Variants in ASAP2 observed in about 807,000 individuals in gnomAD.
ASAP2 encodes the protein ArfGAP with SH3 domain, ankyrin repeat and PH domain 2.
ASAP2 carries 45 observed loss-of-function variants against 131.4 expected under a neutral mutation model. The observed-to-expected ratio is 0.34, with a 90% confidence interval of 0.27 to 0.44. The LOEUF is 0.44. ASAP2 is among the 20% of genes least tolerant of loss of function. The pLI, the probability that ASAP2 is intolerant of heterozygous loss-of-function variation, is 1.00. For synonymous variants in ASAP2, 510 were observed against 503.0 expected (o/e 1.01, Z -0.19); for missense variants, 1,011 against 1,297.0 (o/e 0.78, Z 3.39).
At chr2:9,382,148 T>C (rs1019069253) in intron 20 of ASAP2, among the ~76,000 whole-genome samples, 1 of 152,096 alleles carries the variant, frequency 6.6e-6, no homozygotes, top group African/African-American at 2.4e-5. Flanking sequence ...CACGCCCAGC[T>C]AATTTTTATA....
At chr2:9,344,882 G>A (rs1671858941) in intron 11 of ASAP2, 82 bp downstream of exon 11, 1 of 1,236,354 alleles carries the variant, frequency 8.1e-7, no homozygotes, top group South Asian at 1.3e-5. Flanking sequence ...TAGAGGGCAG[G>A]AGTTGTTCTC....
At chr2:9,249,326 T>C (rs1044316126) in intron 1 of ASAP2, among the ~76,000 whole-genome samples, 1 of 152,214 alleles carries the variant, frequency 6.6e-6, no homozygotes, top group Non-Finnish European at 1.5e-5. Flanking sequence ...GTCTGCCCCA[T>C]TCTGCCCTCA....
intron 3 of ASAP2, among the ~76,000 whole-genome samples, chr2:9,302,121 C>A (rs79810957): frequency 1.1e-5 from 1 of 90,918 alleles, no homozygotes; most frequent in African/African-American, 4.3e-5. Flanking sequence ...CCGCGCCCGG[C>A]CTTTTTTTTT....
chr2:9,223,023 C>T (rs1662536173), intron 1 of ASAP2, among the ~76,000 whole-genome samples: 1 of 152,190 alleles, frequency 6.6e-6, no homozygotes, highest in Non-Finnish European at 1.5e-5. Context: ...CCAGAGGAGA[C>T]TCAAGAGTCC....
chr2:9,328,363 A>C (rs1298277470), intron 7 of ASAP2, among the ~76,000 whole-genome samples: 1 of 152,228 alleles, frequency 6.6e-6, no homozygotes, highest in African/African-American at 2.4e-5. Context: ...ATCTTAATTA[A>C]AAATAAAAGC....
chr2:9,361,066 A>T (rs1673043588), intron 15 of ASAP2, among the ~76,000 whole-genome samples: 1 of 152,184 alleles, frequency 6.6e-6, no homozygotes, highest in Non-Finnish European at 1.5e-5. Flanking sequence ...ATGCCTGGTT[A>T]AATTCTCCAT....
Position 9,368,410 on chromosome 2 carries a change from C to G in ASAP2, c.1462-15C>G, listed in dbSNP as rs746106045. 3 of 1,609,576 alleles carry G rather than the reference C, an allele frequency of 1.9e-6. No individual in the cohort carries two copies. Among genetic ancestry groups the G allele is most frequent in the Admixed American group, 3.3e-5 (2 of 59,996 alleles). ...TAATAATTGAGTATCCTGAAATAGACTTTCATTTTTGCAGCTCGCCAAGAA... is the reference window on the plus strand; with the variant it reads ...TAATAATTGAGTATCCTGAAATAGAGTTTCATTTTTGCAGCTCGCCAAGAA... On this transcript the variant is annotated splice_polypyrimidine_tract_variant and intron_variant, in intron 15 of 27. Coordinates refer to ENST00000281419, the MANE Select transcript of ASAP2 (RefSeq NM_003887.3).
intron 1 of ASAP2, among the ~76,000 whole-genome samples, chr2:9,266,410 G>C (rs1419975831): frequency 6.6e-6 from 1 of 152,186 alleles, no homozygotes; most frequent in African/African-American, 2.4e-5. Flanking sequence ...GCCTTCCAAA[G>C]TGTTGGGGTT....
intron 1 of ASAP2, among the ~76,000 whole-genome samples, chr2:9,222,637 T>C (rs1177296659): frequency 6.6e-6 from 1 of 152,234 alleles, no homozygotes; most frequent in African/African-American, 2.4e-5. Flanking sequence ...GTGTGTTTAC[T>C]ACTGGAGCAT....
intron 2 of ASAP2, among the ~76,000 whole-genome samples, chr2:9,282,837 A>C (rs12473825): frequency 0.14 from 20,758 of 152,172 alleles, 1,843 homozygotes; most frequent in African/African-American, 0.25. Flanking sequence ...GATTGGCCCC[A>C]TTTGACCCAT....
chr2:9,374,967 C>CA (rs1674278436), intron 17 of ASAP2, 23 bp downstream of exon 17: 1 of 1,423,790 alleles, frequency 7.0e-7, no homozygotes, highest in South Asian at 1.3e-5. Context: ...GTTGTTGCTA[C>CA]TTTAAAAAAA....
intron 1 of ASAP2, among the ~76,000 whole-genome samples, chr2:9,234,699 G>T (rs540163499): frequency 6.6e-6 from 1 of 152,236 alleles, no homozygotes; most frequent in African/African-American, 2.4e-5. Context: ...ATTTACTCAG[G>T]GTTCAGTTGG....
intron 2 of ASAP2, among the ~76,000 whole-genome samples, chr2:9,284,315 G>T (rs1558295984): frequency 6.6e-6 from 1 of 152,134 alleles, no homozygotes; most frequent in South Asian, 2.1e-4. Context: ...TAACATGCAG[G>T]CACTGTTAAC....
At chr2:9,271,426 C>A in intron 1 of ASAP2, 1 of 1,440,302 alleles carries the variant, frequency 6.9e-7, no homozygotes, top group Non-Finnish European at 9.8e-7. Context: ...AGTACCATTG[C>A]AGGCAAACTT....
intron 12 of ASAP2, among the ~76,000 whole-genome samples, chr2:9,355,037 C>T (rs553378111): frequency 6.6e-6 from 1 of 152,272 alleles, no homozygotes; most frequent in South Asian, 2.1e-4. Flanking sequence ...ATCCATATAT[C>T]CCTCCCCTAG....
At chr2:9,376,115 G>C (rs1674379485) in intron 17 of ASAP2, among the ~76,000 whole-genome samples, 1 of 152,216 alleles carries the variant, frequency 6.6e-6, no homozygotes, top group African/African-American at 2.4e-5. Context: ...TCTTTCTCTT[G>C]GTAACAGGCA....
At chr2:9,388,027 A>C (rs1675419866) in intron 21 of ASAP2, among the ~76,000 whole-genome samples, 1 of 152,210 alleles carries the variant, frequency 6.6e-6, no homozygotes, top group Admixed American at 6.5e-5. Context: ...TCGACAAGTG[A>C]AGATTACAAT....
intron 16 of ASAP2, among the ~76,000 whole-genome samples, chr2:9,373,025 G>A (rs901010416): frequency 6.6e-6 from 1 of 152,152 alleles, no homozygotes; most frequent in Admixed American, 6.5e-5. Context: ...GAAAACTCAT[G>A]GCACTGTTGA....
chr2:9,318,246 C>T lies in ASAP2; in HGVS notation c.346-278C>T, dbSNP rs542513386. 5.6e-3 allele frequency among the ~76,000 whole-genome samples: 848 copies of T among 152,262 alleles called. 4 individuals are homozygous for T. The highest frequency in any genetic ancestry group is 0.019 in the African/African-American group (791 of 41,544). ...TGAATGTTTTGAAATATTTTTTCTT[C>T]ACTGCAATGATTGTCTCTTTACAAA... is the stretch of plus-strand genomic sequence containing the variant. On this transcript the variant is annotated intron_variant, in intron 3 of 27. Coordinates refer to ENST00000281419, the MANE Select transcript of ASAP2 (RefSeq NM_003887.3).
Sources: allele counts gnomAD v4.1 joint callset (sites outside exome capture counted in the v4.1 genomes callset), GRCh38; gene constraint gnomAD v4.1.1; transcripts MANE v1.5; gene names NCBI Gene and HGNC (gene_info 2026-07-23, HGNC 2026-07-21).